The following SPATA13 variants were observed in gnomAD, a reference collection of about 807,000 sequenced individuals.
SPATA13 encodes spermatogenesis-associated protein 13.
A neutral mutation model predicts 104.0 loss-of-function variants in SPATA13; 50 were observed. That is an observed-to-expected ratio of 0.48 (90% CI 0.38 to 0.61). The LOEUF (loss-of-function observed/expected upper bound fraction) is 0.61, where lower values mean the gene tolerates loss of function less well. Among genes scored for constraint, SPATA13 ranks in the 20% least tolerant of loss-of-function variants. The probability of loss-of-function intolerance (pLI) is 0.00; values close to 1 mark genes in which losing one functional copy is unlikely to be tolerated. For synonymous variants in SPATA13, 606 were observed against 667.5 expected, an observed-to-expected ratio of 0.91 and a Z score of 1.42; for missense variants, 1,524 against 1,690.6, an observed-to-expected ratio of 0.90 and a Z score of 1.73.
At chr13:24,263,503 T>C (rs1874156891) in intron 4 of SPATA13, among the ~76,000 whole-genome samples, 2 of 152,192 alleles carry the variant, frequency 1.3e-5, no homozygotes, top group Admixed American at 6.5e-5. Flanking sequence ...GGCATCAGAC[T>C]CCAAGGCTGT....
intron 3 of SPATA13, among the ~76,000 whole-genome samples, chr13:24,045,379 G>C (rs990735341): frequency 6.8e-4 from 103 of 152,228 alleles, no homozygotes; most frequent in African/African-American, 2.4e-3. Flanking sequence ...CTTTTAGTAT[G>C]AGCCAAAGTT....
chr13:24,087,872 G>A (rs989779736), intron 3 of SPATA13, among the ~76,000 whole-genome samples: 4 of 152,186 alleles, frequency 2.6e-5, no homozygotes, highest in Non-Finnish European at 5.9e-5. Context: ...AAGAGGGCTG[G>A]TGACCAGACA....
chr13:24,203,285 AG>A (rs756372277), intron 1 of SPATA13, among the ~76,000 whole-genome samples: 1 of 152,072 alleles, frequency 6.6e-6, no homozygotes, highest in Non-Finnish European at 1.5e-5. Context: ...GATGTAAATT[AG>A]TGTCAGGGTA....
At chr13:24,194,883 A>C (rs2138558413) in intron 1 of SPATA13, among the ~76,000 whole-genome samples, 1 of 152,390 alleles carries the variant, frequency 6.6e-6, no homozygotes, top group Middle Eastern at 3.4e-3. Context: ...GGAGTAAAAT[A>C]GTGAATCTTG....
At chr13:24,300,325 T>C in intron 11 of SPATA13, 76 bp from the exon 12 acceptor site, 1 of 1,130,804 alleles carries the variant, frequency 8.8e-7, no homozygotes, top group Non-Finnish European at 1.3e-6. Context: ...AATGCTGATA[T>C]GGGCTGTGAT....
intron 1 of SPATA13, among the ~76,000 whole-genome samples, chr13:24,200,509 C>T (rs9511143): frequency 0.57 from 86,151 of 151,732 alleles, 29,036 homozygotes; most frequent in East Asian, 0.82. Context: ...GTTCTCAGCC[C>T]CAAGTCTCCC....
At chr13:24,059,091 C>T (rs1878681577) in intron 3 of SPATA13, among the ~76,000 whole-genome samples, 2 of 151,764 alleles carry the variant, frequency 1.3e-5, no homozygotes, top group Non-Finnish European at 2.9e-5. Context: ...CCTGCCTCAG[C>T]CTTCCGAGTA....
chr13:23,989,004 A>G (rs1452531485), intron 2 of SPATA13, among the ~76,000 whole-genome samples: 1 of 152,206 alleles, frequency 6.6e-6, no homozygotes, highest in Non-Finnish European at 1.5e-5. Flanking sequence ...GCTCGGTGAC[A>G]GTAGGTTTTA....
intron 3 of SPATA13, among the ~76,000 whole-genome samples, chr13:24,118,868 A>G (rs1319293393): frequency 1.3e-5 from 2 of 151,800 alleles, no homozygotes; most frequent in African/African-American, 2.4e-5. Context: ...CTTTACAAAG[A>G]TTCCAACTCT....
rs17080581 is a variant in SPATA13, at chr13:24,271,536, T to C, written c.2165-12599T>C. ...GTGAGTATTGTCTATTTGTCTATTC[T>C]GTGAGTATTGGACTATTTGGACTAT... On this transcript the variant is annotated intron_variant, in intron 4 of 12. Coordinates refer to ENST00000382108, the MANE Select transcript of SPATA13 (RefSeq NM_001166271.3). Among the ~76,000 whole-genome samples the C allele has an allele frequency of 3.4e-3, 515 of 152,354 alleles. 2 individuals are homozygous for C. The highest frequency in any genetic ancestry group is 0.012 in the African/African-American group (494 of 41,578).
At chr13:24,266,594 AT>A (rs1400716484) in intron 4 of SPATA13, among the ~76,000 whole-genome samples, 1 of 152,018 alleles carries the variant, frequency 6.6e-6, no homozygotes, top group African/African-American at 2.4e-5. Flanking sequence ...TTCAGTGTTT[AT>A]TTTGTCCTCT....
intron 3 of SPATA13, among the ~76,000 whole-genome samples, chr13:24,094,984 T>C (rs964295824): frequency 2.0e-5 from 3 of 152,202 alleles, no homozygotes; most frequent in Non-Finnish European, 4.4e-5. Context: ...GTAGCCACTA[T>C]GTAAAACATG....
At chr13:24,177,383 C>T (rs1407700540) in intron 1 of SPATA13, among the ~76,000 whole-genome samples, 2 of 152,226 alleles carry the variant, frequency 1.3e-5, no homozygotes, top group African/African-American at 4.8e-5. Flanking sequence ...CCAGCAAATT[C>T]ACTGTCGGCG....
At chr13:24,119,317 G>A (rs1269972370) in intron 3 of SPATA13, among the ~76,000 whole-genome samples, 2 of 152,050 alleles carry the variant, frequency 1.3e-5, no homozygotes, top group Admixed American at 6.6e-5. Context: ...GAAAAAAAAG[G>A]GTACTTGAGC....
intron 2 of SPATA13, among the ~76,000 whole-genome samples, chr13:24,235,349 C>T (rs931695955): frequency 3.3e-5 from 5 of 152,176 alleles, no homozygotes; most frequent in Non-Finnish European, 7.3e-5. Flanking sequence ...GGCTGAGGCT[C>T]CTCTAGGTAT....
chr13:24,181,519 CTTTTT>C (rs892128655), intron 1 of SPATA13, among the ~76,000 whole-genome samples: 1 of 151,956 alleles, frequency 6.6e-6, no homozygotes, highest in Non-Finnish European at 1.5e-5. Flanking sequence ...ACTTCTTAAG[CTTTTT>C]TGTTTTGTAC....
At chr13:24,065,173 C>T (rs1333609772) in intron 3 of SPATA13, among the ~76,000 whole-genome samples, 3 of 152,132 alleles carry the variant, frequency 2.0e-5, no homozygotes, top group Non-Finnish European at 4.4e-5. Context: ...GCACATGGAA[C>T]ATAAAATATA....
intron 1 of SPATA13, among the ~76,000 whole-genome samples, chr13:24,163,269 G>A (rs1054462168): frequency 2.6e-5 from 4 of 152,122 alleles, no homozygotes; most frequent in African/African-American, 4.8e-5. Context: ...TTGTGATGGC[G>A]CACTCACCTG....
At chr13:24,225,044 GGT>G (rs1462494104) in intron 2 of SPATA13, among the ~76,000 whole-genome samples, 2 of 152,208 alleles carry the variant, frequency 1.3e-5, no homozygotes, top group African/African-American at 4.8e-5. Context: ...AGCACCTGTG[GGT>G]GTCACTTGAC....
Sources: gnomAD v4.1 joint callset for allele counts (sites outside exome capture counted in the v4.1 genomes callset) on GRCh38, gnomAD v4.1.1 for gene constraint, MANE v1.5 for transcripts, NCBI Gene and HGNC (gene_info 2026-07-23, HGNC 2026-07-21) for gene names.